TRIP10: variants seen among roughly 807,000 people sequenced by gnomAD.
The protein encoded by TRIP10 is thyroid hormone receptor interactor 10.
In TRIP10, 54 loss-of-function variants were observed where a neutral mutation model predicts 80.9. That is an observed-to-expected ratio of 0.67 (90% CI 0.54 to 0.84). The LOEUF (loss-of-function observed/expected upper bound fraction) is 0.84, where lower values mean the gene tolerates loss of function less well. TRIP10 is among the 40% of genes least tolerant of loss of function. The pLI, the probability that TRIP10 is intolerant of heterozygous loss-of-function variation, is 0.00. For missense variants in TRIP10, 773 were observed against 815.3 expected (o/e 0.95, Z 0.63); for synonymous variants, 321 against 307.2 (o/e 1.04, Z -0.47).
rs985197436 is a variant in TRIP10 at position 6,745,955 on chromosome 19, C to T, written c.985-74C>T. ...CCGTGCGTCCATCCCTCCGTCCATT[C>T]GTCCTCACTCTCTACATCCTCCTAT... On this transcript the variant is annotated intron_variant, in intron 9 of 14. Transcript: ENST00000313244. The surrounding 1 kb of genome is among the most constrained non-coding windows in gnomAD (Gnocchi z 7.2). 23 of 1,202,294 alleles carry T rather than the reference C, an allele frequency of 1.9e-5. No homozygotes were observed. The African/African-American group carries it at 2.5e-4, about 13-fold the overall frequency. 74.5% of individuals were successfully genotyped at this position (1,202,294 alleles called of 1,614,324 possible).
chr19:6,742,959 A>C lies in TRIP10; in HGVS notation c.198-8A>C. The C allele has an allele frequency of 6.2e-7, 1 of 1,613,726 alleles. No individual in the cohort carries two copies. Among genetic ancestry groups the C allele is most frequent in the Non-Finnish European group, 8.5e-7 (1 of 1,179,896 alleles). On this transcript the variant is annotated splice_region_variant and splice_polypyrimidine_tract_variant and intron_variant, in intron 3 of 14. Coordinates refer to ENST00000313244, the MANE Select transcript of TRIP10 (RefSeq NM_001288962.2). ...ACTCCCTGTTCCCCGATTCTCATCC[A>C]ACCCCAGATTCAGCCAGCAACAGTC...
At chr19:6,741,785 A>T (rs1208872030) in intron 3 of TRIP10, among the ~76,000 whole-genome samples, 2 of 152,170 alleles carry the variant, frequency 1.3e-5, no homozygotes. Flanking sequence ...CTTGTTTGGC[A>T]GCAATCTCTG....
rs1234725844 is a variant in TRIP10 at position 6,746,946 on chromosome 19, AATGAATGAC to A, written c.1262+388_1262+396del. Among the ~76,000 whole-genome samples the A allele has an allele frequency of 6.6e-6, 1 of 152,312 alleles. No individual in the cohort carries two copies. Among genetic ancestry groups the A allele is most frequent in the East Asian group, 1.9e-4 (1 of 5,188 alleles). ...GCATGAGCCACTGCCCGGGTCTGTA[AATGAATGAC>A]ATTTAAATGGTACTCAAAGATCTCC... is the stretch of plus-strand genomic sequence containing the variant. On this transcript the variant is annotated intron_variant, in intron 11 of 14. Transcript: ENST00000313244. This position sits in a 1 kb window ranked among gnomAD's most constrained non-coding sequence, Gnocchi z 6.2.
intron 1 of TRIP10, 43 bp from the exon 2 acceptor site, chr19:6,740,967 C>A: frequency 4.5e-6 from 7 of 1,566,602 alleles, no homozygotes; most frequent in Non-Finnish European, 6.1e-6. Context: ...AAAATCGTGA[C>A]CCCGGCCCCT....
At position 6,750,392 on chromosome 19, in the gene TRIP10, ACAG is replaced by A; in HGVS notation, c.1505_1507del (p.Ser502del). 6.2e-7 allele frequency: 1 copy of A among 1,614,148 alleles called. No individual in the cohort carries two copies. The highest frequency in any genetic ancestry group is 8.5e-7 in the Non-Finnish European group (1 of 1,180,008). The stretch of plus-strand genomic sequence containing the variant: ...GACCCCCCCGCTAGCGCCCCGCCAG[ACAG>A]CAGCAGCAACAGCGCATCACAGGAC... On this transcript the variant is annotated inframe_deletion, in exon 13 of 15. Coordinates refer to ENST00000313244, the MANE Select transcript of TRIP10 (RefSeq NM_001288962.2).
rs1012535061 is a variant in TRIP10 at position 6,750,013 on chromosome 19, G to T, written c.1342G>T (p.Ala448Ser). The change falls in exon 12 of 15, where the codon GCT (alanine) becomes TCT (serine). Residue 448 changes from alanine (A) to serine (S), a missense_variant. Coordinates refer to ENST00000313244, the MANE Select transcript of TRIP10 (RefSeq NM_001288962.2). ...CCCCGCCAGCTTGGAGCCCCAGATC[G>T]CTGAAACCCTGAGCAACATTGAACG... Reference protein sequence around the residue: ...GDPASLEPQIAETLSNIERLK... With the variant: ...GDPASLEPQISETLSNIERLK... The T allele has an allele frequency of 1.9e-6, 3 of 1,613,574 alleles. No individual in the cohort carries two copies. Among genetic ancestry groups the T allele is most frequent in the South Asian group, 2.2e-5 (2 of 91,056 alleles).
Position 6,751,313 on chromosome 19 carries a change from T to A in TRIP10, c.*102T>A. On this transcript the variant is annotated 3_prime_UTR_variant, in exon 15 of 15. Coordinates refer to ENST00000313244, the MANE Select transcript of TRIP10 (RefSeq NM_001288962.2). ...TTATTTCTGACCCCGTGGCTTCGGCTGAGACCTGTGTAACCTGCTGCCCCC... is the reference window on the plus strand; with the variant it reads ...TTATTTCTGACCCCGTGGCTTCGGCAGAGACCTGTGTAACCTGCTGCCCCC... The A allele has an allele frequency of 6.3e-7, 1 of 1,580,986 alleles. No individual in the cohort carries two copies. The highest frequency in any genetic ancestry group is 8.6e-7 in the Non-Finnish European group (1 of 1,160,800).
In TRIP10 at chr19:6,750,300, G is replaced by A; in HGVS notation, c.1404G>A (p.Leu468=). The A allele has an allele frequency of 1.2e-6, 2 of 1,614,034 alleles. No homozygotes were observed. The highest frequency in any genetic ancestry group is 1.7e-6 in the Non-Finnish European group (2 of 1,179,996). The change falls in exon 13 of 15, where the codon CTG becomes CTA. Residue 468 remains leucine (L), a synonymous_variant. Transcript: ENST00000313244. ...KLEVQKYEAW[L]AEAESRVLSN... ...CTGTCCCCTCCTCCCAGGCGTGGCT[G>A]GCAGAAGCTGAAAGTCGAGTCCTTA...
In TRIP10 at chr19:6,739,799, G is replaced by T; in HGVS notation, c.24+14G>T. 3.4e-6 allele frequency: 5 copies of T among 1,459,316 alleles called. No individual in the cohort carries two copies. Among genetic ancestry groups the T allele is most frequent in the Non-Finnish European group, 4.5e-6 (5 of 1,099,568 alleles). 90.4% of individuals were successfully genotyped at this position (1,459,316 alleles called of 1,614,324 possible). ...ACTGAGCTGTGGGTAAGTCCAATCGGCCCGCCTCTAAGTTCCCCTTTGCTG... is the reference window on the plus strand; with the variant it reads ...ACTGAGCTGTGGGTAAGTCCAATCGTCCCGCCTCTAAGTTCCCCTTTGCTG... On this transcript the variant is annotated intron_variant, in intron 1 of 14. Transcript: ENST00000313244.
At chr19:6,749,473 C>T (rs146179569) in intron 11 of TRIP10, among the ~76,000 whole-genome samples, 56 of 152,140 alleles carry the variant, frequency 3.7e-4, no homozygotes, top group African/African-American at 1.3e-3. Flanking sequence ...AACTGAGATT[C>T]GAACCCAGGC....
At position 6,740,777 on chromosome 19, in the gene TRIP10, C is replaced by T. The variant is rs558149692; in HGVS notation, c.25-233C>T. On this transcript the variant is annotated intron_variant, in intron 1 of 14. Transcript: ENST00000313244. ...TCCTATGTCGGAGACCTCCATCTCCCGGCCGGGGTGGCTGGGGCCTGGGCG... is the reference window on the plus strand; with the variant it reads ...TCCTATGTCGGAGACCTCCATCTCCTGGCCGGGGTGGCTGGGGCCTGGGCG... The T allele has an allele frequency of 5.7e-5, 31 of 540,366 alleles. No individual in the cohort carries two copies. The South Asian group carries it at 6.3e-4, about 11-fold the overall frequency. The allele number at this position is 540,366 out of a possible 1,614,324, so 33.5% of individuals were successfully genotyped here.
chr19:6,748,300 A>T (rs1969193029), intron 11 of TRIP10: 1 of 152,186 alleles, frequency 6.6e-6, no homozygotes, highest in Non-Finnish European at 1.5e-5. Context: ...AACCTCTTGG[A>T]CAGAATGGCT....
Position 6,744,310 on chromosome 19 carries a change from GTC to G in TRIP10, c.643-241_643-240del, listed in dbSNP as rs2145540005. Among the ~76,000 whole-genome samples the G allele has an allele frequency of 6.6e-6, 1 of 152,156 alleles. No homozygotes were observed. The highest frequency in any genetic ancestry group is 1.9e-4 in the East Asian group (1 of 5,186). ...TTTTTCTTCAAATCCCTGTTCCCTT[GTC>G]TCCTCCTTTGAGAAGCCTTTGCTGA... On this transcript the variant is annotated intron_variant, in intron 7 of 14. Coordinates refer to ENST00000313244, the MANE Select transcript of TRIP10 (RefSeq NM_001288962.2). The surrounding 1 kb of genome is among the most constrained non-coding windows in gnomAD (Gnocchi z 4.9).
rs774815436 is a variant in TRIP10 at position 6,744,959 on chromosome 19, C to T, written c.949C>T (p.Arg317Cys). ...TGAACTCCGAGGCCCGGGTCGCAGC[C>T]GCACCAAGCGCTGGCCTTTTGGCAA... ...RPELRGPGRS[R>C]TKRWPFGKKN... The change falls in exon 9 of 15, where the codon CGC (arginine) becomes TGC (cysteine). Residue 317 changes from arginine to cysteine, a missense_variant. Coordinates refer to ENST00000313244, the MANE Select transcript of TRIP10 (RefSeq NM_001288962.2). The surrounding 1 kb of genome is among the most constrained non-coding windows in gnomAD (Gnocchi z 4.9). 40 of 1,613,748 alleles carry T rather than the reference C, an allele frequency of 2.5e-5. No individual in the cohort carries two copies. The Admixed American group carries it at 3.3e-4, about 13-fold the overall frequency.
At chr19:6,740,756 A>G (rs1968890156) in intron 1 of TRIP10, 5 of 499,468 alleles carry the variant, frequency 1.0e-5, no homozygotes, top group South Asian at 2.3e-5. Context: ...TGGCGGTCCT[A>G]TGTCGGAGAC....
rs1168788932 is a variant in TRIP10 at position 6,739,912 on chromosome 19, C to T, written c.24+127C>T. Reference sequence around the variant, plus strand: ...CCACCGACCCCTGGGTCCCCGCCCTCCACCCTCCGCTCTCTCTCGAAGTTT... The same window carrying T: ...CCACCGACCCCTGGGTCCCCGCCCTTCACCCTCCGCTCTCTCTCGAAGTTT... On this transcript the variant is annotated intron_variant, in intron 1 of 14. Coordinates refer to ENST00000313244, the MANE Select transcript of TRIP10 (RefSeq NM_001288962.2). The T allele has an allele frequency of 3.5e-6, 4 of 1,130,660 alleles. No individual in the cohort carries two copies. In the Admixed American group the frequency reaches 1.6e-4, roughly 45 times the overall value. The allele number at this position is 1,130,660 out of a possible 1,614,324, so 70.0% of individuals were successfully genotyped here.
chr19:6,746,984 A>G lies in TRIP10; in HGVS notation c.1262+423A>G, dbSNP rs1039695555. 2.6e-5 allele frequency among the ~76,000 whole-genome samples: 4 copies of G among 152,272 alleles called. No homozygotes were observed. Among genetic ancestry groups the G allele is most frequent in the South Asian group, 2.1e-4 (1 of 4,820 alleles). ...TAAATGGTACTCAAAGATCTCCCCA[A>G]TAATCCCAAGGCCCCGACGGTTTTA... is the stretch of plus-strand genomic sequence containing the variant. On this transcript the variant is annotated intron_variant, in intron 11 of 14. Coordinates refer to ENST00000313244, the MANE Select transcript of TRIP10 (RefSeq NM_001288962.2). The surrounding 1 kb of genome is among the most constrained non-coding windows in gnomAD (Gnocchi z 6.2).
chr19:6,749,614 C>A (rs1281865002), intron 11 of TRIP10, among the ~76,000 whole-genome samples: 1 of 152,144 alleles, frequency 6.6e-6, no homozygotes, highest in Admixed American at 6.5e-5. Flanking sequence ...GTAATCCCAG[C>A]ACTTTGGGAG....
chr19:6,740,941 C>T, intron 1 of TRIP10, 69 bp from the exon 2 acceptor site: 1 of 1,399,714 alleles, frequency 7.1e-7, no homozygotes, highest in Non-Finnish European at 1.0e-6. Flanking sequence ...GTCTGGTCGG[C>T]GGGCTGTGGG....
Sources: allele counts gnomAD v4.1 joint callset (sites outside exome capture counted in the v4.1 genomes callset), GRCh38; gene constraint gnomAD v4.1.1; non-coding constraint Gnocchi (gnomAD v3.1); transcripts MANE v1.5; gene names NCBI Gene and HGNC (gene_info 2026-07-23, HGNC 2026-07-21).